C1orf21: variants seen among roughly 807,000 people sequenced by gnomAD.
The protein encoded by C1orf21 is chromosome 1 open reading frame 21, also known as uncharacterized protein C1orf21.
A neutral mutation model predicts 18.7 loss-of-function variants in C1orf21; 3 were observed. The observed-to-expected ratio is 0.16, with a 90% CI of 0.07 to 0.42. C1orf21 has a LOEUF of 0.42. Among genes scored for constraint, C1orf21 ranks in the 10% least tolerant of loss-of-function variants. C1orf21 has a pLI of 0.99. For missense variants in C1orf21, 104 were observed against 143.6 expected, an observed-to-expected ratio of 0.72 and a Z score of 1.41; for synonymous variants, 41 against 46.4, an observed-to-expected ratio of 0.88 and a Z score of 0.47.
intron 1 of C1orf21, among the ~76,000 whole-genome samples, chr1:184,409,308 T>G (rs1656296618): frequency 6.6e-6 from 1 of 152,160 alleles, no homozygotes; most frequent in Non-Finnish European, 1.5e-5. Flanking sequence ...ATTTGCTTTT[T>G]GTAGAAAGAA....
At position 184,522,712 on chromosome 1, in the gene C1orf21, G is replaced by A. The variant is rs1658321401; in HGVS notation, c.189+15030G>A. 1.3e-4 allele frequency among the ~76,000 whole-genome samples: 20 copies of A among 152,320 alleles called. No homozygotes were observed. The South Asian group carries it at 4.1e-3, about 32-fold the overall frequency. ...GTATTGTATTTATTTTTGAGACAGA[G>A]TCTCACTCCGATTTGCCCAGGCTGG... On this transcript the variant is annotated intron_variant, in intron 3 of 5. Transcript: ENST00000235307.
chr1:184,577,034 C>A (rs749099595), intron 3 of C1orf21, among the ~76,000 whole-genome samples: 11 of 152,008 alleles, frequency 7.2e-5, no homozygotes, highest in Non-Finnish European at 1.5e-4. Context: ...CTCTTTACAG[C>A]CCAGAGGGCA....
At chr1:184,575,612 A>T (rs1175789579) in intron 3 of C1orf21, among the ~76,000 whole-genome samples, 1 of 65,798 alleles carries the variant, frequency 1.5e-5, no homozygotes, top group Non-Finnish European at 2.8e-5. Flanking sequence ...ACAAAAAGGT[A>T]AAAAAAAAAA....
intron 1 of C1orf21, among the ~76,000 whole-genome samples, chr1:184,398,993 T>C (rs888778256): frequency 6.6e-6 from 1 of 152,202 alleles, no homozygotes; most frequent in Non-Finnish European, 1.5e-5. Context: ...AACAGTAATT[T>C]CCTAATATCA....
intron 3 of C1orf21, among the ~76,000 whole-genome samples, chr1:184,554,389 T>C (rs886759322): frequency 1.3e-5 from 2 of 152,216 alleles, no homozygotes; most frequent in South Asian, 4.1e-4. Context: ...TGTCAAGAAT[T>C]TGAAGCAGAG....
At chr1:184,469,903 A>T (rs1193185361) in intron 1 of C1orf21, among the ~76,000 whole-genome samples, 1 of 152,174 alleles carries the variant, frequency 6.6e-6, no homozygotes, top group African/African-American at 2.4e-5. Context: ...CCCTGGCTGG[A>T]TGCTGGTCCT....
At chr1:184,508,392 G>A (rs1226796565) in intron 3 of C1orf21, among the ~76,000 whole-genome samples, 4 of 152,030 alleles carry the variant, frequency 2.6e-5, no homozygotes, top group Admixed American at 6.6e-5. Context: ...AATTGTTTTT[G>A]TTGTTTATAT....
In C1orf21 at chr1:184,624,923, C is replaced by T. The variant is rs1473383692; in HGVS notation, c.*5367C>T. The T allele has an allele frequency of 3.3e-5, 5 of 152,250 alleles. No homozygotes were observed. The highest frequency in any genetic ancestry group is 3.4e-3 in the Middle Eastern group (1 of 294). 9.4% of individuals were successfully genotyped at this position (152,250 alleles called of 1,614,324 possible). ...CGCTCCCACCTTTACTTACTTTGCT[C>T]GAAGGAACCAAAACAATGTCCTTGT... On this transcript the variant is annotated 3_prime_UTR_variant, in exon 6 of 6. Coordinates refer to ENST00000235307, the MANE Select transcript of C1orf21 (RefSeq NM_030806.4).
At chr1:184,602,723 T>C (rs900012712) in intron 5 of C1orf21, among the ~76,000 whole-genome samples, 1 of 152,232 alleles carries the variant, frequency 6.6e-6, no homozygotes, top group Non-Finnish European at 1.5e-5. Context: ...TGTTAAGATA[T>C]GCTTTCCACT....
intron 3 of C1orf21, among the ~76,000 whole-genome samples, chr1:184,588,848 T>C (rs1228553165): frequency 6.6e-6 from 1 of 152,160 alleles, no homozygotes; most frequent in Non-Finnish European, 1.5e-5. Context: ...TAAACTGCTT[T>C]TCTTCCTGTT....
chr1:184,446,120 G>A (rs774758710), intron 1 of C1orf21, among the ~76,000 whole-genome samples: 1 of 152,058 alleles, frequency 6.6e-6, no homozygotes, highest in East Asian at 1.9e-4. Flanking sequence ...TAAATGCAAA[G>A]CAATTTAGTC....
At chr1:184,502,830 C>A (rs543077376) in intron 2 of C1orf21, among the ~76,000 whole-genome samples, 1 of 152,034 alleles carries the variant, frequency 6.6e-6, no homozygotes, top group Non-Finnish European at 1.5e-5. Flanking sequence ...GTAATTCCAA[C>A]ACTTTGGGAG....
At chr1:184,431,091 A>T (rs1656755947) in intron 1 of C1orf21, among the ~76,000 whole-genome samples, 2 of 152,034 alleles carry the variant, frequency 1.3e-5, no homozygotes, top group Non-Finnish European at 2.9e-5. Flanking sequence ...TCTATTATTG[A>T]TATATAGGAA....
rs550179576 is a variant in C1orf21 at position 184,601,559 on chromosome 1, C to T, written c.327+3098C>T. ...GCACCACAGCTGAACAAGTGGTTTT[C>T]TAAGAAGTTATGGTGATCAATAAAA... On this transcript the variant is annotated intron_variant, in intron 5 of 5. Coordinates refer to ENST00000235307, the MANE Select transcript of C1orf21 (RefSeq NM_030806.4). Among the ~76,000 whole-genome samples the T allele has an allele frequency of 7.4e-4, 113 of 152,228 alleles. No homozygotes were observed. The Middle Eastern group carries it at 0.014, about 18-fold the overall frequency.
chr1:184,418,546 T>A (rs1309157609), intron 1 of C1orf21, among the ~76,000 whole-genome samples: 1 of 152,222 alleles, frequency 6.6e-6, no homozygotes, highest in Non-Finnish European at 1.5e-5. Context: ...CTCTGGGAAC[T>A]GCTGGACTTA....
chr1:184,592,414 A>G (rs887358790), intron 4 of C1orf21, among the ~76,000 whole-genome samples: 2 of 152,236 alleles, frequency 1.3e-5, no homozygotes, highest in African/African-American at 4.8e-5. Context: ...TGCATGTTCA[A>G]AAGTTAAAAA....
intron 1 of C1orf21, among the ~76,000 whole-genome samples, chr1:184,410,651 A>T (rs1656330081): frequency 5.2e-4 from 3 of 5,730 alleles, no homozygotes; most frequent in Non-Finnish European, 7.3e-4. Context: ...ATATATATAT[A>T]TATATATATA....
intron 3 of C1orf21, among the ~76,000 whole-genome samples, chr1:184,552,652 C>T (rs964242386): frequency 6.6e-5 from 10 of 152,170 alleles, no homozygotes; most frequent in African/African-American, 2.4e-4. Flanking sequence ...CAGTATTACC[C>T]GGATGAGTAA....
At chr1:184,441,195 A>G (rs1454495402) in intron 1 of C1orf21, among the ~76,000 whole-genome samples, 1 of 152,210 alleles carries the variant, frequency 6.6e-6, no homozygotes, top group Non-Finnish European at 1.5e-5. Flanking sequence ...TGATTGAGTT[A>G]ACTTTCAGCA....
Sources: allele counts gnomAD v4.1 joint callset (sites outside exome capture counted in the v4.1 genomes callset), GRCh38; gene constraint gnomAD v4.1.1; transcripts MANE v1.5; gene names NCBI Gene and HGNC (gene_info 2026-07-23, HGNC 2026-07-21).